The following PCGF6 variants were observed in gnomAD, a reference collection of about 807,000 sequenced individuals.
The protein encoded by PCGF6 is polycomb group RING finger protein 6.
In PCGF6, 24 loss-of-function variants were observed where a neutral mutation model predicts 45.5. The observed-to-expected ratio is 0.53, with a 90% confidence interval of 0.38 to 0.74. The LOEUF (loss-of-function observed/expected upper bound fraction) is 0.74, where lower values mean the gene tolerates loss of function less well. PCGF6 is among the 30% of genes least tolerant of loss of function. The pLI is 0.00. For synonymous variants in PCGF6, 152 were observed against 162.1 expected, an observed-to-expected ratio of 0.94 and a Z score of 0.47; for missense variants, 356 against 443.2, an observed-to-expected ratio of 0.80 and a Z score of 1.77.
chr10:103,326,714 G>A (rs1312057377), intron 7 of PCGF6, 82 bp from the exon 8 acceptor site: 6 of 954,880 alleles, frequency 6.3e-6, no homozygotes, highest in Non-Finnish European at 7.4e-6. Context: ...TATGTAATGT[G>A]TAAACATTAA....
chr10:103,336,830 G>A (rs537588480), intron 6 of PCGF6, among the ~76,000 whole-genome samples: 1 of 151,898 alleles, frequency 6.6e-6, no homozygotes, highest in African/African-American at 2.4e-5. Context: ...AGCCGAGGTC[G>A]TGCCACTGCA....
At chr10:103,336,124 C>T (rs2093256306) in intron 6 of PCGF6, among the ~76,000 whole-genome samples, 1 of 151,764 alleles carries the variant, frequency 6.6e-6, no homozygotes, top group African/African-American at 2.4e-5. Flanking sequence ...GTCCCAGCTA[C>T]TCGGGAGGCT....
chr10:103,339,801 C>CAAAAAAA (rs200037917), intron 6 of PCGF6, among the ~76,000 whole-genome samples: 1 of 26,948 alleles, frequency 3.7e-5, no homozygotes, highest in South Asian at 1.7e-3. Flanking sequence ...CTGTCTGTCT[C>CAAAAAAA]AAAAAAAAAA....
chr10:103,326,719 C>A, intron 7 of PCGF6, 87 bp from the exon 8 acceptor site: 2 of 888,934 alleles, frequency 2.2e-6, no homozygotes, highest in Non-Finnish European at 3.2e-6. Flanking sequence ...AATGTGTAAA[C>A]ATTAAAGAAA....
intron 3 of PCGF6, among the ~76,000 whole-genome samples, chr10:103,347,940 C>G (rs1471916542): frequency 1.3e-5 from 2 of 152,134 alleles, no homozygotes; most frequent in Non-Finnish European, 2.9e-5. Context: ...GCAAAGCACT[C>G]CTGTGTGAAG....
At chr10:103,324,675 A>T (rs2093210224) in intron 8 of PCGF6, among the ~76,000 whole-genome samples, 1 of 146,518 alleles carries the variant, frequency 6.8e-6, no homozygotes, top group Non-Finnish European at 1.5e-5. Flanking sequence ...CAGGAGAATC[A>T]CTTGAACCCG....
chr10:103,350,644 G>T, intron 1 of PCGF6, 63 bp downstream of exon 1: 1 of 1,358,066 alleles, frequency 7.4e-7, no homozygotes, highest in Non-Finnish European at 9.5e-7. Flanking sequence ...CCCGGCAGAC[G>T]AGGGCCAGCT....
intron 7 of PCGF6, among the ~76,000 whole-genome samples, chr10:103,328,953 G>A (rs1206993126): frequency 6.6e-6 from 1 of 151,792 alleles, no homozygotes; most frequent in Non-Finnish European, 1.5e-5. Context: ...CACTGTGTTA[G>A]CCAGGATGGT....
At chr10:103,311,040 G>T (rs1404722282) in intron 9 of PCGF6, among the ~76,000 whole-genome samples, 1 of 152,098 alleles carries the variant, frequency 6.6e-6, no homozygotes, top group Non-Finnish European at 1.5e-5. Flanking sequence ...TCGCTATACT[G>T]CCCAGGCAAG....
rs561488522 is a variant in PCGF6 at position 103,309,278 on chromosome 10, A to G, written c.996+4908T>C. ...ATCTCATGTTGAATTGTAATCCCCA[A>G]TGTTGGAGGTGGGGCCTGGTGGGAG... On this transcript the variant is annotated intron_variant, in intron 9 of 9. Coordinates refer to ENST00000369847, the MANE Select transcript of PCGF6 (RefSeq NM_001011663.2). Among the ~76,000 whole-genome samples the G allele has an allele frequency of 1.1e-4, 17 of 152,196 alleles. No homozygotes were observed. The East Asian group carries it at 1.7e-3, about 16-fold the overall frequency.
At chr10:103,343,174 C>T (rs1215664523) in intron 6 of PCGF6, among the ~76,000 whole-genome samples, 5 of 152,002 alleles carry the variant, frequency 3.3e-5, no homozygotes, top group African/African-American at 9.7e-5. Context: ...ATGATCCGCC[C>T]GCCTCGGCCT....
chr10:103,322,429 C>A (rs1411764338), intron 8 of PCGF6, among the ~76,000 whole-genome samples: 1 of 151,284 alleles, frequency 6.6e-6, no homozygotes, highest in Admixed American at 6.6e-5. Flanking sequence ...TGGTCTCAAA[C>A]TCCTGGGCTC....
intron 9 of PCGF6, among the ~76,000 whole-genome samples, chr10:103,309,989 T>C (rs1314688353): frequency 6.6e-6 from 1 of 151,672 alleles, no homozygotes; most frequent in Non-Finnish European, 1.5e-5. Flanking sequence ...TTTGCTGTTG[T>C]TGCCTAGGCT....
chr10:103,307,842 ATTG>A (rs1387794415), intron 9 of PCGF6, among the ~76,000 whole-genome samples: 6 of 152,184 alleles, frequency 3.9e-5, no homozygotes, highest in African/African-American at 1.4e-4. Flanking sequence ...ACATATCCCT[ATTG>A]TTAAGTGACG....
At chr10:103,326,141 T>C (rs905845042) in intron 8 of PCGF6, among the ~76,000 whole-genome samples, 1 of 152,064 alleles carries the variant, frequency 6.6e-6, no homozygotes, top group Non-Finnish European at 1.5e-5. Context: ...CTCATGCCTG[T>C]AATCCCAGCA....
Position 103,345,013 on chromosome 10 carries a change from A to C in PCGF6, c.782+11T>G, listed in dbSNP as rs891673432. Reference sequence around the variant, plus strand: ...TCTTTAAGTTAAAAGGTAAATTTTTAGGGTACTCACCCAATGAACTCCAGT... The same window carrying C: ...TCTTTAAGTTAAAAGGTAAATTTTTCGGGTACTCACCCAATGAACTCCAGT... On this transcript the variant is annotated intron_variant, in intron 6 of 9. Transcript: ENST00000369847. 1 of 1,525,796 alleles carries C rather than the reference A, an allele frequency of 6.6e-7. No individual in the cohort carries two copies. The highest frequency in any genetic ancestry group is 1.4e-5 in the African/African-American group (1 of 72,026). 94.5% of individuals were successfully genotyped at this position (1,525,796 alleles called of 1,614,324 possible). A position where few individuals can be genotyped will look rare whatever the true frequency, so the allele number is the denominator to read the frequency against.
chr10:103,311,411 G>C (rs1033661636), intron 9 of PCGF6, among the ~76,000 whole-genome samples: 1 of 151,618 alleles, frequency 6.6e-6, no homozygotes, highest in Non-Finnish European at 1.5e-5. Context: ...CAAAGTGCTG[G>C]GATTACAGGT....
rs2093127169 is a variant in PCGF6, at chr10:103,303,657, A to G, written c.*248T>C. 1 of 355,296 alleles carries G rather than the reference A, an allele frequency of 2.8e-6. No individual in the cohort carries two copies. The highest frequency in any genetic ancestry group is 5.0e-6 in the Non-Finnish European group (1 of 198,242). 22.0% of individuals were successfully genotyped at this position (355,296 alleles called of 1,614,324 possible). Reference sequence around the variant, plus strand: ...GTCAAGGTATTTAAAATCATAAGAAATTTTAAAATTCAATTTTTGAAAAAT... The same window carrying G: ...GTCAAGGTATTTAAAATCATAAGAAGTTTTAAAATTCAATTTTTGAAAAAT... On this transcript the variant is annotated 3_prime_UTR_variant, in exon 10 of 10. Transcript: ENST00000369847.
chr10:103,339,716 G>C (rs1345071510), intron 6 of PCGF6, among the ~76,000 whole-genome samples: 1 of 150,494 alleles, frequency 6.6e-6, no homozygotes, highest in Non-Finnish European at 1.5e-5. Flanking sequence ...CTTGAAACCG[G>C]AAGACTGAGG....
Sources: allele counts gnomAD v4.1 joint callset (sites outside exome capture counted in the v4.1 genomes callset), GRCh38; gene constraint gnomAD v4.1.1; transcripts MANE v1.5; gene names NCBI Gene and HGNC (gene_info 2026-07-23, HGNC 2026-07-21).